ERC2: variants seen among roughly 807,000 people sequenced by gnomAD.
ERC2 encodes ERC protein 2.
ERC2 carries 42 observed loss-of-function variants against 114.8 expected under a neutral mutation model. That is an observed-to-expected ratio of 0.37 (90% CI 0.29 to 0.47). The LOEUF is 0.47. ERC2 is among the 20% of genes least tolerant of loss of function. ERC2 has a pLI of 0.99. For missense variants in ERC2, 939 were observed against 1,150.7 expected (o/e 0.82, Z 2.66); for synonymous variants, 454 against 425.5 (o/e 1.07, Z -0.82).
At chr3:55,856,263 C>T (rs1191118130) in intron 14 of ERC2, among the ~76,000 whole-genome samples, 1 of 152,196 alleles carries the variant, frequency 6.6e-6, no homozygotes, top group Non-Finnish European at 1.5e-5. Context: ...AGGAACAGCT[C>T]TCTTGCTTGA....
chr3:56,164,126 T>C (rs937463560), intron 4 of ERC2, among the ~76,000 whole-genome samples: 1 of 152,086 alleles, frequency 6.6e-6, no homozygotes, highest in Non-Finnish European at 1.5e-5. Context: ...TCATGAGCTA[T>C]AATACACACA....
intron 3 of ERC2, among the ~76,000 whole-genome samples, chr3:56,214,047 A>G (rs2049272045): frequency 6.6e-6 from 1 of 152,152 alleles, no homozygotes; most frequent in South Asian, 2.1e-4. Context: ...AACCACAAAG[A>G]TGGGGAAAAA....
At chr3:56,174,885 G>A (rs1201041268) in intron 3 of ERC2, among the ~76,000 whole-genome samples, 1 of 151,886 alleles carries the variant, frequency 6.6e-6, no homozygotes, top group Admixed American at 6.6e-5. Context: ...GGCTGAGGCA[G>A]GAGAATCCCT....
intron 2 of ERC2, among the ~76,000 whole-genome samples, chr3:56,358,076 C>T (rs1235033242): frequency 2.0e-5 from 3 of 152,064 alleles, no homozygotes; most frequent in Non-Finnish European, 4.4e-5. Flanking sequence ...CTTGCTCTCC[C>T]TGTGGGTTGA....
chr3:56,094,154 G>T (rs1179440042), intron 6 of ERC2, among the ~76,000 whole-genome samples: 2 of 152,104 alleles, frequency 1.3e-5, no homozygotes, highest in Admixed American at 1.3e-4. Context: ...CTGTTCTAAA[G>T]TATCTTTAAG....
chr3:56,269,846 T>C (rs1318964563), intron 3 of ERC2, among the ~76,000 whole-genome samples: 1 of 152,180 alleles, frequency 6.6e-6, no homozygotes, highest in African/African-American at 2.4e-5. Flanking sequence ...GGTTAATCAG[T>C]TTTGAAAGTG....
chr3:55,984,820 C>T (rs1412029523), intron 12 of ERC2, among the ~76,000 whole-genome samples: 1 of 152,106 alleles, frequency 6.6e-6, no homozygotes, highest in Admixed American at 6.5e-5. Flanking sequence ...GTGAGAGTGG[C>T]AGAGAAGTAT....
intron 7 of ERC2, among the ~76,000 whole-genome samples, chr3:56,042,804 G>A (rs911693805): frequency 3.3e-5 from 5 of 152,072 alleles, no homozygotes; most frequent in South Asian, 2.1e-4. Context: ...TTTAAAATGT[G>A]GTCGAAACCC....
intron 3 of ERC2, among the ~76,000 whole-genome samples, chr3:56,182,920 T>C (rs2083363665): frequency 6.6e-6 from 1 of 152,176 alleles, no homozygotes; most frequent in Admixed American, 6.5e-5. Flanking sequence ...ATATTAAAAC[T>C]TAAAAGGCAA....
chr3:56,234,866 C>T (rs1009452377), intron 3 of ERC2, among the ~76,000 whole-genome samples: 4 of 152,148 alleles, frequency 2.6e-5, no homozygotes, highest in Middle Eastern at 3.2e-3. Flanking sequence ...AACCAAACAC[C>T]TCCCATTAGA....
At chr3:56,326,813 C>T (rs2057382459) in intron 2 of ERC2, among the ~76,000 whole-genome samples, 1 of 152,200 alleles carries the variant, frequency 6.6e-6, no homozygotes, top group South Asian at 2.1e-4. Context: ...TGGTTAGGCA[C>T]CTGCTCCATC....
intron 3 of ERC2, among the ~76,000 whole-genome samples, chr3:56,180,272 C>A (rs1282396576): frequency 6.6e-6 from 1 of 152,080 alleles, no homozygotes; most frequent in African/African-American, 2.4e-5. Context: ...TGTGGAAGAA[C>A]AGGAGGAGAG....
chr3:56,027,462 T>C (rs9821043), intron 7 of ERC2, among the ~76,000 whole-genome samples: 51,676 of 152,042 alleles, frequency 0.34, 9,571 homozygotes, highest in East Asian at 0.55. Context: ...CTGGCCTCTG[T>C]ACATCCCCAC....
At chr3:55,606,890 G>C (rs1180159189) in intron 17 of ERC2, 1 of 152,400 alleles carries the variant, frequency 6.6e-6, no homozygotes, top group Non-Finnish European at 1.5e-5. Flanking sequence ...TCCCACTCTA[G>C]GCAAAGGTTG....
rs555556556 is a variant in ERC2 at position 56,023,958 on chromosome 3, A to C, written c.1642-4927T>G. 1.9e-3 allele frequency among the ~76,000 whole-genome samples: 282 copies of C among 152,320 alleles called. 2 individuals are homozygous for C. Among genetic ancestry groups the C allele is most frequent in the Non-Finnish European group, 3.5e-3 (241 of 68,016 alleles). ...TACATAGCTTAAAACAGAGGACCTAAAACATACTTAGGCATCGTTACAGTT... is the reference window on the plus strand; with the variant it reads ...TACATAGCTTAAAACAGAGGACCTACAACATACTTAGGCATCGTTACAGTT... On this transcript the variant is annotated intron_variant, in intron 7 of 17. Coordinates refer to ENST00000288221, the MANE Select transcript of ERC2 (RefSeq NM_015576.3).
intron 2 of ERC2, among the ~76,000 whole-genome samples, chr3:56,332,281 A>T (rs1453078764): frequency 1.3e-5 from 2 of 152,216 alleles, no homozygotes; most frequent in African/African-American, 2.4e-5. Flanking sequence ...AGCTACTGCC[A>T]AAGCATCCAA....
rs6763609 is a variant in ERC2, at chr3:56,311,290, T to C, written c.658-14855A>G. On this transcript the variant is annotated intron_variant, in intron 2 of 17. Transcript: ENST00000288221. ...ATATATATATATATATATATATATA[T>C]ACACACATATATATAATTTTTTTTT... Among the ~76,000 whole-genome samples, 71 of 61,586 alleles carry C rather than the reference T, an allele frequency of 1.2e-3. 2 individuals carry two copies. The Middle Eastern group carries it at 0.062, about 53-fold the overall frequency. The allele number at this position is 61,586 out of a possible 152,430, so 40.4% of individuals were successfully genotyped here.
chr3:55,726,311 G>A (rs2064912760), intron 15 of ERC2, among the ~76,000 whole-genome samples: 1 of 152,198 alleles, frequency 6.6e-6, no homozygotes, highest in African/African-American at 2.4e-5. Context: ...TACTGCATGG[G>A]GTTCCTCTAC....
intron 14 of ERC2, among the ~76,000 whole-genome samples, chr3:55,830,409 T>C (rs773646799): frequency 6.6e-6 from 1 of 152,212 alleles, no homozygotes; most frequent in Non-Finnish European, 1.5e-5. Flanking sequence ...CTTGGAAATA[T>C]AATGGACTAT....
Sources: gnomAD v4.1 joint callset for allele counts (sites outside exome capture counted in the v4.1 genomes callset) on GRCh38, gnomAD v4.1.1 for gene constraint, MANE v1.5 for transcripts, NCBI Gene and HGNC (gene_info 2026-07-23, HGNC 2026-07-21) for gene names.